Variants in MAP4K3 observed in about 807,000 individuals in gnomAD.
MAP4K3 encodes MAPK/ERK kinase kinase kinase 3.
Under a neutral mutation model 143.5 loss-of-function variants are expected in MAP4K3, and 94 were observed. That is an observed-to-expected ratio of 0.65 (90% confidence interval 0.55 to 0.78). MAP4K3 has a LOEUF of 0.78. Ranked by LOEUF, MAP4K3 falls within the 30% of genes least tolerant of loss-of-function variation. MAP4K3 has a pLI of 0.00. For synonymous variants in MAP4K3, 416 were observed against 347.2 expected (o/e 1.20, Z -2.20); for missense variants, 1,077 against 1,068.1 (o/e 1.01, Z -0.12).
chr2:39,417,635 T>A (rs905976673), intron 1 of MAP4K3, among the ~76,000 whole-genome samples: 2 of 152,204 alleles, frequency 1.3e-5, no homozygotes, highest in African/African-American at 4.8e-5. Context: ...TTAAAACAGA[T>A]ACAGACAGAG....
intron 17 of MAP4K3, 67 bp downstream of exon 17, chr2:39,293,163 A>T: frequency 8.9e-7 from 1 of 1,122,902 alleles, no homozygotes; most frequent in East Asian, 2.6e-5. Context: ...TACATAACAG[A>T]GAAGAAGGCA....
At chr2:39,395,916 G>A (rs1487691215) in intron 1 of MAP4K3, among the ~76,000 whole-genome samples, 1 of 152,116 alleles carries the variant, frequency 6.6e-6, no homozygotes, top group Non-Finnish European at 1.5e-5. Flanking sequence ...CAAAAGACTA[G>A]AGCTGTTAAA....
Position 39,322,348 on chromosome 2 carries a change from G to C in MAP4K3, c.918+3170C>G, listed in dbSNP as rs1008253960. 2.6e-5 allele frequency among the ~76,000 whole-genome samples: 4 copies of C among 152,084 alleles called. No individual in the cohort carries two copies. In the South Asian group the frequency reaches 8.3e-4, roughly 32 times the overall value. Reference sequence around the variant, plus strand: ...CAGTTTTACCTTCCCGGCTTAAACAGCACAATAAATTATTAATTTATTAGC... The same window carrying C: ...CAGTTTTACCTTCCCGGCTTAAACACCACAATAAATTATTAATTTATTAGC... On this transcript the variant is annotated intron_variant, in intron 12 of 33. Transcript: ENST00000263881.
At chr2:39,396,453 A>G (rs1449435639) in intron 1 of MAP4K3, among the ~76,000 whole-genome samples, 1 of 151,876 alleles carries the variant, frequency 6.6e-6, no homozygotes, top group South Asian at 2.1e-4. Context: ...TACTCAAGAC[A>G]ATGTGCTTTA....
intron 2 of MAP4K3, among the ~76,000 whole-genome samples, chr2:39,369,522 A>T (rs1666023521): frequency 6.6e-6 from 1 of 152,204 alleles, no homozygotes; most frequent in Non-Finnish European, 1.5e-5. Flanking sequence ...ATGCTCACAT[A>T]GAGCATACTA....
Position 39,405,596 on chromosome 2 carries a change from C to T in MAP4K3, c.97-27473G>A, listed in dbSNP as rs554174182. On this transcript the variant is annotated intron_variant, in intron 1 of 33. Transcript: ENST00000263881. ...CTAAATAAGACACCAAGGCTGGGCA[C>T]GATGCTCACACCAGTAATCCCAACA... Among the ~76,000 whole-genome samples, 16 of 152,258 alleles carry T rather than the reference C, an allele frequency of 1.1e-4. No homozygotes were observed. The East Asian group carries it at 1.9e-3, about 18-fold the overall frequency.
chr2:39,299,440 CAG>C (rs1252365591), intron 16 of MAP4K3, among the ~76,000 whole-genome samples: 2 of 152,082 alleles, frequency 1.3e-5, no homozygotes, highest in African/African-American at 4.8e-5. Flanking sequence ...AAGAAATAAA[CAG>C]ATCAGTTTTA....
intron 6 of MAP4K3, among the ~76,000 whole-genome samples, chr2:39,336,007 T>C (rs1352770139): frequency 6.6e-6 from 1 of 151,808 alleles, no homozygotes; most frequent in Non-Finnish European, 1.5e-5. Flanking sequence ...TGAGGAAGGA[T>C]GAACAAAGAA....
chr2:39,361,534 G>A lies in MAP4K3; in HGVS notation c.155-5195C>T, dbSNP rs191489371. On this transcript the variant is annotated intron_variant, in intron 2 of 33. Coordinates refer to ENST00000263881, the MANE Select transcript of MAP4K3 (RefSeq NM_003618.4). ...CTGTGCTCTTGGACAACAAACACTT[G>A]AAAAAAAGGCAGAAACAATTTTTTA... Among the ~76,000 whole-genome samples, 350 of 151,078 alleles carry A rather than the reference G, an allele frequency of 2.3e-3. 1 individual carries two copies. The highest frequency in any genetic ancestry group is 3.4e-3 in the Admixed American group (52 of 15,202).
intron 1 of MAP4K3, among the ~76,000 whole-genome samples, chr2:39,407,099 G>A (rs939083638): frequency 1.3e-5 from 2 of 152,114 alleles, no homozygotes; most frequent in African/African-American, 4.8e-5. Flanking sequence ...ATAATTCACT[G>A]TATTAACAGA....
chr2:39,349,004 G>A (rs574094904), intron 3 of MAP4K3, among the ~76,000 whole-genome samples: 144 of 152,252 alleles, frequency 9.5e-4, no homozygotes, highest in South Asian at 1.7e-3. Context: ...CTGAGGATCA[G>A]CAACTCTCTA....
chr2:39,251,797 G>A lies in MAP4K3; in HGVS notation c.2597+33C>T, dbSNP rs753478772. 2.6e-6 allele frequency: 4 copies of A among 1,560,680 alleles called. No homozygotes were observed. In the South Asian group the frequency reaches 4.5e-5, roughly 17 times the overall value. ...ATGCTGGATCTATAAAACACGTTTA[G>A]TACTGTGTATTTAATACAGTCCGTT... On this transcript the variant is annotated intron_variant, in intron 33 of 33. Coordinates refer to ENST00000263881, the MANE Select transcript of MAP4K3 (RefSeq NM_003618.4).
chr2:39,274,704 G>A (rs1434837809), intron 24 of MAP4K3, among the ~76,000 whole-genome samples: 1 of 152,136 alleles, frequency 6.6e-6, no homozygotes, highest in Non-Finnish European at 1.5e-5. Flanking sequence ...ATGATTGTGT[G>A]ATCTTGGGTA....
At chr2:39,359,924 A>G (rs1665719577) in intron 2 of MAP4K3, among the ~76,000 whole-genome samples, 1 of 152,204 alleles carries the variant, frequency 6.6e-6, no homozygotes, top group Admixed American at 6.5e-5. Context: ...CAGGGCTGTG[A>G]TGGGAGGGGT....
chr2:39,314,066 T>C (rs1683034615), intron 13 of MAP4K3, among the ~76,000 whole-genome samples: 1 of 152,150 alleles, frequency 6.6e-6, no homozygotes, highest in Non-Finnish European at 1.5e-5. Flanking sequence ...AATCTTGTTC[T>C]TTGCCCAGGC....
intron 32 of MAP4K3, among the ~76,000 whole-genome samples, chr2:39,253,426 C>A (rs1461399368): frequency 6.6e-6 from 1 of 152,210 alleles, no homozygotes; most frequent in Non-Finnish European, 1.5e-5. Flanking sequence ...GCCAACATGC[C>A]TGGCCAGCAG....
At chr2:39,337,981 T>C (rs1043544082) in intron 4 of MAP4K3, among the ~76,000 whole-genome samples, 9 of 151,984 alleles carry the variant, frequency 5.9e-5, no homozygotes, top group South Asian at 2.1e-4. Flanking sequence ...CAGGCTGGTA[T>C]TGAATTTCTG....
At chr2:39,382,204 G>C (rs1472857220) in intron 1 of MAP4K3, among the ~76,000 whole-genome samples, 1 of 152,110 alleles carries the variant, frequency 6.6e-6, no homozygotes, top group Non-Finnish European at 1.5e-5. Context: ...CATTCCTTGA[G>C]AGTGAACTGA....
chr2:39,324,138 G>A (rs1047041577), intron 12 of MAP4K3, among the ~76,000 whole-genome samples: 3 of 152,014 alleles, frequency 2.0e-5, no homozygotes, highest in Admixed American at 6.6e-5. Context: ...GGCCAGGTGC[G>A]GTGGCTCATG....
Sources: allele counts gnomAD v4.1 joint callset (sites outside exome capture counted in the v4.1 genomes callset), GRCh38; gene constraint gnomAD v4.1.1; transcripts MANE v1.5; gene names NCBI Gene and HGNC (gene_info 2026-07-23, HGNC 2026-07-21).